The following PLEKHB1 variants were observed in gnomAD, a reference collection of about 807,000 sequenced individuals.
PLEKHB1 encodes the protein pleckstrin homology domain containing B1.
In PLEKHB1, 29 loss-of-function variants were observed where a neutral mutation model predicts 36.2. That is an observed-to-expected ratio of 0.80 (90% CI 0.60 to 1.09). The LOEUF is 1.09. Ranked by LOEUF, PLEKHB1 falls within the 50% of genes least tolerant of loss-of-function variation. PLEKHB1 has a pLI of 0.00. For synonymous variants in PLEKHB1, 138 were observed against 140.0 expected, an observed-to-expected ratio of 0.99 and a Z score of 0.10; for missense variants, 330 against 348.2, an observed-to-expected ratio of 0.95 and a Z score of 0.42.
intron 1 of PLEKHB1, 127 bp from the exon 2 acceptor site, chr11:73,648,885 G>T (rs113878239): frequency 1.0e-5 from 15 of 1,437,760 alleles, no homozygotes; most frequent in Non-Finnish European, 1.4e-5. Flanking sequence ...GGCCGAGGCC[G>T]CCTGGCCCTT....
chr11:73,652,026 G>T (rs1944908281), intron 4 of PLEKHB1, 136 bp downstream of exon 4: 1 of 730,812 alleles, frequency 1.4e-6, no homozygotes, highest in Non-Finnish European at 2.3e-6. Flanking sequence ...CTTATTGGAG[G>T]CGGGTGGAGT....
chr11:73,648,975 C>T (rs1944826848), intron 1 of PLEKHB1, 37 bp from the exon 2 acceptor site: 7 of 1,563,970 alleles, frequency 4.5e-6, no homozygotes, highest in Non-Finnish European at 6.1e-6. Context: ...CAGGGAGCTG[C>T]TGCTGAGGCC....
intron 7 of PLEKHB1, 122 bp downstream of exon 7, chr11:73,660,974 G>T: frequency 2.2e-6 from 2 of 910,674 alleles, no homozygotes; most frequent in Non-Finnish European, 3.4e-6. Flanking sequence ...ATTTTCCCAG[G>T]CAGAACTCTC....
intron 5 of PLEKHB1, among the ~76,000 whole-genome samples, chr11:73,655,352 C>T (rs1944972172): frequency 6.6e-6 from 1 of 152,192 alleles, no homozygotes; most frequent in Admixed American, 6.5e-5. Context: ...ATGACCTGCC[C>T]TTTGTCCTCC....
chr11:73,656,949 A>G (rs1449081833), intron 6 of PLEKHB1, among the ~76,000 whole-genome samples: 2 of 152,120 alleles, frequency 1.3e-5, no homozygotes, highest in Admixed American at 6.6e-5. Flanking sequence ...TCAGGAGTTC[A>G]AGACCTGCCT....
intron 1 of PLEKHB1, chr11:73,647,528 G>C: frequency 8.1e-6 from 8 of 985,078 alleles, no homozygotes; most frequent in Admixed American, 6.1e-5. Flanking sequence ...AGTACGCCTC[G>C]GGTCAGCATC....
In PLEKHB1 at chr11:73,661,318, C is replaced by T; in HGVS notation, c.596-148C>T. The T allele has an allele frequency of 1.1e-6, 1 of 899,648 alleles. No individual in the cohort carries two copies. The highest frequency in any genetic ancestry group is 1.7e-6 in the Non-Finnish European group (1 of 596,526). 55.7% of individuals were successfully genotyped at this position (899,648 alleles called of 1,614,324 possible). ...TGGGAGCCGTAGGGTGGAGCTCTTC[C>T]CGCGTCTAGATCTGTTCTTTGACTG... On this transcript the variant is annotated intron_variant, in intron 7 of 7. Transcript: ENST00000354190. This position sits in a 1 kb window ranked among gnomAD's most constrained non-coding sequence, Gnocchi z 4.6.
rs569113508 is a variant in PLEKHB1 at position 73,648,562 on chromosome 11, C to T, written c.19-450C>T. On this transcript the variant is annotated intron_variant, in intron 1 of 7. Transcript: ENST00000354190. ...ATTGCCGTGATTCTAATATTCTGCA[C>T]TTCCACATTACAGAATCCCAAGGTT... is the stretch of plus-strand genomic sequence containing the variant. 21 of 917,708 alleles carry T rather than the reference C, an allele frequency of 2.3e-5. No homozygotes were observed. In the Admixed American group the frequency reaches 2.4e-4, roughly 10 times the overall value. The allele number at this position is 917,708 out of a possible 1,614,324, so 56.8% of individuals were successfully genotyped here. A position where few individuals can be genotyped will look rare whatever the true frequency, so the allele number is the denominator to read the frequency against.
chr11:73,651,467 T>G (rs902394224), intron 3 of PLEKHB1: 11 of 544,068 alleles, frequency 2.0e-5, no homozygotes, highest in Non-Finnish European at 3.2e-5. Flanking sequence ...CGGTACTGGA[T>G]GAAGACGAAA....
chr11:73,655,744 G>C (rs1400092587), intron 5 of PLEKHB1, 59 bp from the exon 6 acceptor site: 16 of 1,467,644 alleles, frequency 1.1e-5, no homozygotes, highest in Non-Finnish European at 1.5e-5. Flanking sequence ...TTTAGGTGTA[G>C]AGGGCCTCTG....
At chr11:73,653,248 G>C (rs1457092029) in intron 5 of PLEKHB1, 1 of 658,858 alleles carries the variant, frequency 1.5e-6, no homozygotes, top group East Asian at 2.7e-5. Context: ...TGGCACATGA[G>C]CTGGGGAGAA....
intron 3 of PLEKHB1, among the ~76,000 whole-genome samples, chr11:73,650,938 C>T (rs537502547): frequency 1.3e-5 from 2 of 151,036 alleles, no homozygotes; most frequent in African/African-American, 2.4e-5. Context: ...CTGAAGCGGG[C>T]GGATCACTTG....
At chr11:73,652,118 G>C (rs1944910034) in intron 4 of PLEKHB1, 1 of 558,516 alleles carries the variant, frequency 1.8e-6, no homozygotes, top group African/African-American at 1.9e-5. Flanking sequence ...ATTGCTGAGG[G>C]GGAGGTGTGC....
intron 3 of PLEKHB1, 62 bp from the exon 4 acceptor site, chr11:73,651,726 C>A: frequency 7.3e-7 from 1 of 1,374,038 alleles, no homozygotes; most frequent in Non-Finnish European, 1.0e-6. Flanking sequence ...CCTGTCCCTG[C>A]TTTACTGGGG....
intron 5 of PLEKHB1, among the ~76,000 whole-genome samples, chr11:73,654,415 G>A (rs919665067): frequency 3.9e-5 from 6 of 152,202 alleles, no homozygotes; most frequent in Non-Finnish European, 8.8e-5. Context: ...AGGCATCCAC[G>A]TCCTGAGTGC....
Position 73,650,631 on chromosome 11 carries a change from C to CGTGGT in PLEKHB1, c.173_174insGTGGT (p.Ala59TrpfsTer2). ...ACCCTGGGATACTACCACGATGAGA[C>CGTGGT]AGCGCAGGACGAGGAGGACCGTGTG... On this transcript the variant is annotated frameshift_variant, in exon 3 of 8. Transcript: ENST00000354190. LOFTEE classifies it high-confidence loss of function. 1 of 1,613,030 alleles carries CGTGGT rather than the reference C, an allele frequency of 6.2e-7. No homozygotes were observed. The highest frequency in any genetic ancestry group is 8.5e-7 in the Non-Finnish European group (1 of 1,179,506).
In PLEKHB1 at chr11:73,655,888, A is replaced by G. The variant is rs756705284; in HGVS notation, c.476A>G (p.Lys159Arg). The change falls in exon 6 of 8, where the codon AAG becomes AGG. Residue 159 changes from lysine to arginine, a missense_variant. Transcript: ENST00000354190. ...RCVTRSWSPC[K>R]VERRIWVRVY... ...GTGACCCGCTCGTGGAGCCCCTGTA[A>G]GGTTGAGAGGCGGATCTGGGTAAGT... is the stretch of plus-strand genomic sequence containing the variant. 1 of 1,613,744 alleles carries G rather than the reference A, an allele frequency of 6.2e-7. No homozygotes were observed.
In PLEKHB1 at chr11:73,662,391, G is replaced by A. The variant is rs1159163614; in HGVS notation, c.*789G>A. The A allele has an allele frequency of 3.3e-5, 5 of 152,242 alleles. No individual in the cohort carries two copies. The highest frequency in any genetic ancestry group is 1.2e-4 in the African/African-American group (5 of 41,418). The allele number at this position is 152,242 out of a possible 1,614,324, so 9.4% of individuals were successfully genotyped here. Reference sequence around the variant, plus strand: ...GGCTGGTACCCATGATAACAATTGAGCTGAACCTGGGGACCCCTGGTTGGG... The same window carrying A: ...GGCTGGTACCCATGATAACAATTGAACTGAACCTGGGGACCCCTGGTTGGG... On this transcript the variant is annotated 3_prime_UTR_variant, in exon 8 of 8. Transcript: ENST00000354190.
intron 1 of PLEKHB1, chr11:73,648,592 A>C (rs1944817453): frequency 2.0e-6 from 2 of 986,506 alleles, no homozygotes; most frequent in South Asian, 9.2e-5. Context: ...AAGGTTTCTA[A>C]TACTTTAAGA....
Sources: gnomAD v4.1 joint callset for allele counts (sites outside exome capture counted in the v4.1 genomes callset) on GRCh38, gnomAD v4.1.1 for gene constraint, Gnocchi (gnomAD v3.1) non-coding constraint, MANE v1.5 for transcripts, NCBI Gene and HGNC (gene_info 2026-07-23, HGNC 2026-07-21) for gene names.